Variants in FXR1 observed in about 807,000 individuals in gnomAD.
FXR1 encodes the protein RNA-binding protein FXR1.
FXR1 carries 15 observed loss-of-function variants against 84.0 expected under a neutral mutation model. That is an observed-to-expected ratio of 0.18 (90% confidence interval 0.12 to 0.27). The LOEUF (loss-of-function observed/expected upper bound fraction) is 0.27. FXR1 is among the 10% of genes least tolerant of loss of function. The probability of loss-of-function intolerance (pLI) is 1.00; values close to 1 mark genes in which losing one functional copy is unlikely to be tolerated. For missense variants in FXR1, 480 were observed against 774.4 expected, an observed-to-expected ratio of 0.62 and a Z score of 4.51; for synonymous variants, 245 against 250.7, an observed-to-expected ratio of 0.98 and a Z score of 0.21.
intron 4 of FXR1, 76 bp downstream of exon 4, chr3:180,948,012 T>C (rs1721872731): frequency 1.7e-5 from 14 of 805,552 alleles, no homozygotes; most frequent in Admixed American, 1.1e-4. Context: ...TAAATCTTAT[T>C]TCAACTGTTA....
intron 1 of FXR1, chr3:180,915,505 AG>A: frequency 8.0e-6 from 12 of 1,501,160 alleles, no homozygotes; most frequent in Non-Finnish European, 1.1e-5. Flanking sequence ...TTTCCAATTT[AG>A]AAGATAATAC....
At chr3:180,933,965 T>C (rs1720236030) in intron 2 of FXR1, among the ~76,000 whole-genome samples, 2 of 145,872 alleles carry the variant, frequency 1.4e-5, no homozygotes, top group Admixed American at 6.8e-5. Flanking sequence ...ACAAAAAAAT[T>C]AGCTAGTCAT....
rs1337448005 is a variant in FXR1, at chr3:180,982,435, G to A, written c.*6143G>A. On this transcript the variant is annotated 3_prime_UTR_variant, in exon 17 of 17. Coordinates refer to ENST00000357559, the MANE Select transcript of FXR1 (RefSeq NM_005087.4). ...TCTTCTACTTAAAAAAGGTAAGCCT[G>A]GAGAAAATAAAACTGATTACTATGC... is the stretch of plus-strand genomic sequence containing the variant. 3 of 152,050 alleles carry A rather than the reference G, an allele frequency of 2.0e-5. No homozygotes were observed. The highest frequency in any genetic ancestry group is 7.2e-5 in the African/African-American group (3 of 41,414). 9.4% of individuals were successfully genotyped at this position (152,050 alleles called of 1,614,324 possible).
Position 180,982,561 on chromosome 3 carries a change from C to T in FXR1, c.*6269C>T, listed in dbSNP as rs982395077. ...GGGTATGTTGTTTGCACTGAACCCT[C>T]AAAAGTATTTATACCTATTAAGTTA... is the stretch of plus-strand genomic sequence containing the variant. On this transcript the variant is annotated 3_prime_UTR_variant, in exon 17 of 17. Coordinates refer to ENST00000357559, the MANE Select transcript of FXR1 (RefSeq NM_005087.4). 1.3e-5 allele frequency: 2 copies of T among 152,126 alleles called. No homozygotes were observed. The highest frequency in any genetic ancestry group is 4.8e-5 in the African/African-American group (2 of 41,430). The allele number at this position is 152,126 out of a possible 1,614,324, so 9.4% of individuals were successfully genotyped here.
chr3:180,922,010 G>A (rs1184990868), intron 1 of FXR1, among the ~76,000 whole-genome samples: 2 of 152,108 alleles, frequency 1.3e-5, no homozygotes, highest in Non-Finnish European at 2.9e-5. Context: ...TATAAAAATA[G>A]GATCATCCAC....
intron 3 of FXR1, among the ~76,000 whole-genome samples, chr3:180,937,882 G>A (rs1430108050): frequency 2.6e-5 from 4 of 152,056 alleles, no homozygotes; most frequent in Non-Finnish European, 5.9e-5. Context: ...TAATGTAGGT[G>A]TACTTGTCCA....
At chr3:180,962,126 T>C (rs1335984853) in intron 11 of FXR1, among the ~76,000 whole-genome samples, 5 of 152,238 alleles carry the variant, frequency 3.3e-5, no homozygotes, top group African/African-American at 1.2e-4. Context: ...TAATTTTATT[T>C]TCTACTCTTT....
At chr3:180,964,400 G>T (rs1712527662) in intron 13 of FXR1, among the ~76,000 whole-genome samples, 1 of 152,044 alleles carries the variant, frequency 6.6e-6, no homozygotes, top group Admixed American at 6.6e-5. Context: ...GCTTTTGTGG[G>T]AAGTCGGCTT....
At chr3:180,934,641 G>C (rs1032664208) in intron 2 of FXR1, among the ~76,000 whole-genome samples, 1 of 152,086 alleles carries the variant, frequency 6.6e-6, no homozygotes, top group Non-Finnish European at 1.5e-5. Context: ...ATAATTTTCT[G>C]TATTTCTGTG....
intron 1 of FXR1, among the ~76,000 whole-genome samples, chr3:180,917,640 G>A (rs1338692903): frequency 6.6e-6 from 1 of 152,036 alleles, no homozygotes; most frequent in Non-Finnish European, 1.5e-5. Context: ...TGCTGATGGT[G>A]ATCACAGTTA....
Position 180,978,630 on chromosome 3 carries a change from G to T in FXR1, c.*2338G>T, listed in dbSNP as rs1051982528. On this transcript the variant is annotated 3_prime_UTR_variant, in exon 17 of 17. Transcript: ENST00000357559. The stretch of plus-strand genomic sequence containing the variant: ...CCTGGCACAGTAGCTTATGTCTTTG[G>T]TTCTAGCTACTCAGGAGCCTGAGGT... 4 of 152,012 alleles carry T rather than the reference G, an allele frequency of 2.6e-5. No homozygotes were observed. Among genetic ancestry groups the T allele is most frequent in the Non-Finnish European group, 5.9e-5 (4 of 67,968 alleles). The allele number at this position is 152,012 out of a possible 1,614,324, so 9.4% of individuals were successfully genotyped here. A position where few individuals can be genotyped will look rare whatever the true frequency, so the allele number is the denominator to read the frequency against.
In FXR1 at chr3:180,939,919, A is replaced by G. The variant is rs77085130; in HGVS notation, c.198+4688A>G. 1.3e-3 allele frequency among the ~76,000 whole-genome samples: 200 copies of G among 152,356 alleles called. 4 individuals are homozygous for G. The East Asian group carries it at 0.035, about 26-fold the overall frequency. On this transcript the variant is annotated intron_variant, in intron 3 of 16. Coordinates refer to ENST00000357559, the MANE Select transcript of FXR1 (RefSeq NM_005087.4). ...AAGGTGATTTTTAAAGACTTGAGCC[A>G]TAAGAAATTTCCATTCTTGTAGGTC... is the stretch of plus-strand genomic sequence containing the variant.
chr3:180,928,583 ATATT>A (rs1414925521), intron 1 of FXR1, among the ~76,000 whole-genome samples: 1 of 151,794 alleles, frequency 6.6e-6, no homozygotes, highest in East Asian at 1.9e-4. Context: ...TTTTGTATTT[ATATT>A]TATTAGAGCT....
chr3:180,916,420 A>G (rs1474556331), intron 1 of FXR1, among the ~76,000 whole-genome samples: 1 of 152,190 alleles, frequency 6.6e-6, no homozygotes, highest in Non-Finnish European at 1.5e-5. Context: ...TTGAGACAGA[A>G]TCTTGCTCTT....
chr3:180,933,067 A>G (rs1382943405), intron 1 of FXR1: 3 of 382,122 alleles, frequency 7.9e-6, no homozygotes, highest in Non-Finnish European at 1.4e-5. Context: ...TTGCTGAACT[A>G]ATACCTGAGG....
At chr3:180,941,681 C>A (rs1721138729) in intron 3 of FXR1, among the ~76,000 whole-genome samples, 1 of 152,086 alleles carries the variant, frequency 6.6e-6, no homozygotes, top group South Asian at 2.1e-4. Flanking sequence ...GAGAGACGAA[C>A]ATATTCTTTG....
intron 1 of FXR1, among the ~76,000 whole-genome samples, chr3:180,916,326 T>C (rs1485109189): frequency 6.6e-6 from 1 of 152,250 alleles, no homozygotes. Flanking sequence ...TTTTAACTGA[T>C]GTATAAATAT....
At chr3:180,945,346 C>G (rs1721586873) in intron 3 of FXR1, among the ~76,000 whole-genome samples, 1 of 152,224 alleles carries the variant, frequency 6.6e-6, no homozygotes, top group Non-Finnish European at 1.5e-5. Flanking sequence ...GACATTTCCA[C>G]TTACGAAGTA....
At position 180,953,776 on chromosome 3, in the gene FXR1, A is replaced by G. The variant is rs1446044426; in HGVS notation, c.816A>G (p.Val272=). The stretch of plus-strand genomic sequence containing the variant: ...CTCATCTACAGAGTGCTGATGCTGT[A>G]AAAAAGGCTAGAGGTTTCTTGGAAT... ...FRIYGESADA[V]KKARGFLEFV... Residue 272 remains valine (V), a synonymous_variant, in exon 9 of 17, where the codon GTA becomes GTG. Transcript: ENST00000357559. 1.3e-6 allele frequency: 2 copies of G among 1,572,380 alleles called. No individual in the cohort carries two copies. Among genetic ancestry groups the G allele is most frequent in the South Asian group, 1.1e-5 (1 of 89,914 alleles).
Sources: gnomAD v4.1 joint callset for allele counts (sites outside exome capture counted in the v4.1 genomes callset) on GRCh38, gnomAD v4.1.1 for gene constraint, MANE v1.5 for transcripts, NCBI Gene and HGNC (gene_info 2026-07-23, HGNC 2026-07-21) for gene names.